The following C16orf74 variants were observed in gnomAD, a reference collection of about 807,000 sequenced individuals.
C16orf74 encodes uncharacterized protein C16orf74.
A neutral mutation model predicts 6.5 loss-of-function variants in C16orf74; 10 were observed. That is an observed-to-expected ratio of 1.54 (90% CI 0.95 to 2.61). C16orf74 has a LOEUF of 2.61. C16orf74 is among the 30% of genes most tolerant of loss of function. The pLI is 0.00. For missense variants in C16orf74, 141 were observed against 105.9 expected (o/e 1.33, Z -1.45); for synonymous variants, 60 against 42.5 (o/e 1.41, Z -1.60).
intron 2 of C16orf74, among the ~76,000 whole-genome samples, chr16:85,726,017 G>A (rs981307066): frequency 6.6e-6 from 1 of 152,118 alleles, no homozygotes; most frequent in Non-Finnish European, 1.5e-5. Context: ...CCAGCTCAGT[G>A]TGCTTGGTCC....
At position 85,727,964 on chromosome 16, in the gene C16orf74, C is replaced by CAAA. The variant is rs59377902; in HGVS notation, c.28+7223_28+7225dup. On this transcript the variant is annotated intron_variant, in intron 2 of 3. Coordinates refer to ENST00000284245, the MANE Select transcript of C16orf74 (RefSeq NM_206967.3). ...GCAACAAAGCGAGACCCCTTCTCTA[C>CAAA]AAAAAAAAAAAAAAAAAAAAAAAAA... Among the ~76,000 whole-genome samples the CAAA allele has an allele frequency of 3.5e-3, 256 of 73,988 alleles. 3 individuals are homozygous for CAAA. Among genetic ancestry groups the CAAA allele is most frequent in the East Asian group, 6.6e-3 (13 of 1,966 alleles). 48.5% of individuals were successfully genotyped at this position (73,988 alleles called of 152,430 possible).
chr16:85,744,233 A>AAG (rs2054344161), intron 1 of C16orf74: 1 of 150,284 alleles, frequency 6.7e-6, no homozygotes, highest in Non-Finnish European at 1.5e-5. Flanking sequence ...CTCAAAAAAA[A>AAG]AAAAAAAAAA....
chr16:85,744,762 A>G (rs554092831), intron 1 of C16orf74, among the ~76,000 whole-genome samples: 35 of 146,012 alleles, frequency 2.4e-4, no homozygotes, highest in African/African-American at 8.3e-4. Context: ...CCCACGAGGC[A>G]GAGCTTGCAG....
intron 1 of C16orf74, among the ~76,000 whole-genome samples, chr16:85,750,598 A>G (rs2054426431): frequency 6.6e-6 from 1 of 152,198 alleles, no homozygotes; most frequent in Admixed American, 6.5e-5. Context: ...GTTCTGGTCC[A>G]TTCCCAAGGA....
intron 1 of C16orf74, among the ~76,000 whole-genome samples, chr16:85,746,849 T>G (rs1203852623): frequency 6.6e-6 from 1 of 152,220 alleles, no homozygotes; most frequent in African/African-American, 2.4e-5. Context: ...GAAAGCCACT[T>G]TCTTTCTGCA....
rs1196139442 is a variant in C16orf74, at chr16:85,707,851, C to T, written c.*157G>A. 2 of 633,006 alleles carry T rather than the reference C, an allele frequency of 3.2e-6. No homozygotes were observed. The highest frequency in any genetic ancestry group is 5.5e-6 in the Non-Finnish European group (2 of 360,668). The allele number at this position is 633,006 out of a possible 1,614,324, so 39.2% of individuals were successfully genotyped here. A position where few individuals can be genotyped will look rare whatever the true frequency, so the allele number is the denominator to read the frequency against. Reference sequence around the variant, plus strand: ...GTTCTGGAAGTGGACAGGCTGGATTCCTCGCTGGTCCTGCCACGTCTCTCT... The same window carrying T: ...GTTCTGGAAGTGGACAGGCTGGATTTCTCGCTGGTCCTGCCACGTCTCTCT... On this transcript the variant is annotated 3_prime_UTR_variant, in exon 4 of 4. Transcript: ENST00000284245.
chr16:85,745,227 A>G (rs1598811154), intron 1 of C16orf74, among the ~76,000 whole-genome samples: 1 of 151,250 alleles, frequency 6.6e-6, no homozygotes, highest in Admixed American at 6.6e-5. Context: ...GCAATGGGCA[A>G]TTATAAAAAC....
intron 2 of C16orf74, among the ~76,000 whole-genome samples, chr16:85,728,643 C>A (rs924616298): frequency 6.6e-6 from 1 of 152,214 alleles, no homozygotes; most frequent in African/African-American, 2.4e-5. Context: ...CAGAGGCCCC[C>A]GCACACCTGC....
At chr16:85,735,684 CTTT>C (rs66521638) in intron 1 of C16orf74, among the ~76,000 whole-genome samples, 2 of 147,872 alleles carry the variant, frequency 1.4e-5, no homozygotes, top group African/African-American at 5.0e-5. Context: ...CGTTCTAATG[CTTT>C]TTTTTTTTCC....
intron 1 of C16orf74, among the ~76,000 whole-genome samples, chr16:85,736,230 G>A (rs542937201): frequency 1.8e-3 from 271 of 152,274 alleles, no homozygotes; most frequent in Admixed American, 5.9e-3. Flanking sequence ...TTCTGAGGAC[G>A]CCAAGGAGCA....
intron 1 of C16orf74, among the ~76,000 whole-genome samples, chr16:85,742,643 G>A (rs1312529861): frequency 1.3e-5 from 2 of 152,246 alleles, no homozygotes; most frequent in East Asian, 1.9e-4. Flanking sequence ...CTGGGTTCAA[G>A]CGATTCTCCT....
chr16:85,714,401 A>T lies in C16orf74; in HGVS notation c.29-4094T>A, dbSNP rs201215452. ...CTATTATTTATTTATTTATTTATTT[A>T]TTATTTATTTATTTATTTATTTATT... On this transcript the variant is annotated intron_variant, in intron 2 of 3. Transcript: ENST00000284245. 5.0e-4 allele frequency among the ~76,000 whole-genome samples: 71 copies of T among 141,374 alleles called. 1 individual carries two copies. Among genetic ancestry groups the T allele is most frequent in the African/African-American group, 1.8e-3 (70 of 38,228 alleles). The allele number at this position is 141,374 out of a possible 152,430, so 92.7% of individuals were successfully genotyped here.
chr16:85,735,912 G>A (rs1014899213), intron 1 of C16orf74, among the ~76,000 whole-genome samples: 5 of 152,216 alleles, frequency 3.3e-5, no homozygotes, highest in East Asian at 1.9e-4. Flanking sequence ...TAACAGCCCC[G>A]CAAGGTACTA....
chr16:85,750,472 A>C (rs963314759), intron 1 of C16orf74, among the ~76,000 whole-genome samples: 1 of 152,178 alleles, frequency 6.6e-6, no homozygotes, highest in Non-Finnish European at 1.5e-5. Context: ...GGGGCCCCTA[A>C]GTGAGGCAGT....
chr16:85,712,225 G>A (rs1044641754), intron 2 of C16orf74, among the ~76,000 whole-genome samples: 8 of 152,280 alleles, frequency 5.3e-5, no homozygotes, highest in South Asian at 2.1e-4. Flanking sequence ...CTGCAGCCCC[G>A]GCTGACATCT....
chr16:85,746,631 G>A (rs1284311032), intron 1 of C16orf74, among the ~76,000 whole-genome samples: 2 of 152,168 alleles, frequency 1.3e-5, no homozygotes, highest in Non-Finnish European at 2.9e-5. Context: ...CCAGAAGAGG[G>A]CAGGGCTGAA....
intron 2 of C16orf74, among the ~76,000 whole-genome samples, chr16:85,723,144 C>T (rs1409568931): frequency 6.6e-6 from 1 of 151,722 alleles, no homozygotes; most frequent in East Asian, 1.9e-4. Flanking sequence ...CCTGTAATCC[C>T]AGCTACTTGG....
At chr16:85,710,384 G>A (rs755848520) in intron 2 of C16orf74, 77 bp from the exon 3 acceptor site, 30 of 1,380,172 alleles carry the variant, frequency 2.2e-5, no homozygotes, top group South Asian at 7.7e-5. Flanking sequence ...CGGGAACCGC[G>A]GGCGCCACCC....
chr16:85,739,594 G>A (rs539706031), intron 1 of C16orf74, among the ~76,000 whole-genome samples: 1 of 152,262 alleles, frequency 6.6e-6, no homozygotes, highest in Non-Finnish European at 1.5e-5. Flanking sequence ...TGTTTGAAAA[G>A]TAATGACCAG....
Sources: gnomAD v4.1 joint callset for allele counts (sites outside exome capture counted in the v4.1 genomes callset) on GRCh38, gnomAD v4.1.1 for gene constraint, MANE v1.5 for transcripts, NCBI Gene and HGNC (gene_info 2026-07-23, HGNC 2026-07-21) for gene names.